Variants in DLG2 observed in about 807,000 individuals in gnomAD.
DLG2 encodes the protein discs large MAGUK scaffold protein 2, also known as disks large homolog 2.
DLG2 carries 45 observed loss-of-function variants against 132.5 expected under a neutral mutation model. That is an observed-to-expected ratio of 0.34 (90% confidence interval 0.27 to 0.44). DLG2 has a LOEUF of 0.44. DLG2 is among the 20% of genes least tolerant of loss of function. The pLI, the probability that DLG2 is intolerant of heterozygous loss-of-function variation, is 1.00. For synonymous variants in DLG2, 424 were observed against 419.6 expected (o/e 1.01, Z -0.13); for missense variants, 1,045 against 1,196.9 (o/e 0.87, Z 1.87).
chr11:84,296,199 T>G (rs892741749), intron 7 of DLG2, among the ~76,000 whole-genome samples: 5 of 150,620 alleles, frequency 3.3e-5, no homozygotes, highest in African/African-American at 9.8e-5. Context: ...AATGTTTGGC[T>G]TTTTTTTTCA....
intron 6 of DLG2, chr11:84,923,572 G>T: frequency 1.0e-6 from 1 of 994,640 alleles, no homozygotes. Context: ...CAATGGGATC[G>T]CATCGCAGAC....
intron 3 of DLG2, among the ~76,000 whole-genome samples, chr11:85,334,821 T>A (rs576123508): frequency 6.6e-6 from 1 of 152,292 alleles, no homozygotes; most frequent in South Asian, 2.1e-4. Context: ...TATTAAATTG[T>A]AGAGAACTGC....
chr11:84,031,366 T>C (rs2154091387), intron 11 of DLG2, among the ~76,000 whole-genome samples: 1 of 152,246 alleles, frequency 6.6e-6, no homozygotes, highest in South Asian at 2.1e-4. Flanking sequence ...TTAAGTCAAA[T>C]AAGGGTTCAT....
chr11:85,342,624 TATTATC>T lies in DLG2; in HGVS notation c.41-57265_41-57260del, dbSNP rs544822027. Among the ~76,000 whole-genome samples the T allele has an allele frequency of 7.0e-4, 106 of 152,380 alleles. 1 individual carries two copies. The highest frequency in any genetic ancestry group is 2.9e-3 in the Admixed American group (45 of 15,310). ...CACATAAACCAGTAACACAGTCATT[TATTATC>T]ATTATCAAGTATTACGTGCTGTGCA... On this transcript the variant is annotated intron_variant, in intron 3 of 27. Transcript: ENST00000376104.
intron 2 of DLG2, among the ~76,000 whole-genome samples, chr11:85,599,339 CCTCTCTCTTTCT>C (rs1364859760): frequency 6.6e-6 from 1 of 150,664 alleles, no homozygotes; most frequent in Non-Finnish European, 1.5e-5. Flanking sequence ...CTCTCCCCCA[CCTCTCTCTTTCT>C]CTCTCTCTCT....
chr11:83,524,798 A>C (rs917884234), intron 21 of DLG2, among the ~76,000 whole-genome samples: 4 of 151,676 alleles, frequency 2.6e-5, no homozygotes, highest in African/African-American at 9.7e-5. Flanking sequence ...TGCCAACAAC[A>C]CTCTTTTCAT....
chr11:84,516,231 A>T (rs1484867947), intron 7 of DLG2, among the ~76,000 whole-genome samples: 1 of 151,600 alleles, frequency 6.6e-6, no homozygotes, highest in Non-Finnish European at 1.5e-5. Context: ...GAAAGATTAG[A>T]GTAGAAATAA....
chr11:84,055,197 C>G (rs754327054), intron 11 of DLG2, among the ~76,000 whole-genome samples: 2 of 151,880 alleles, frequency 1.3e-5, no homozygotes, highest in Non-Finnish European at 2.9e-5. Context: ...AAATGGCACC[C>G]CAACTAAAAA....
At chr11:84,803,144 A>G (rs901408476) in intron 6 of DLG2, among the ~76,000 whole-genome samples, 3 of 152,204 alleles carry the variant, frequency 2.0e-5, no homozygotes, top group Admixed American at 2.0e-4. Flanking sequence ...CTCTTGTCCA[A>G]CAAAATTGTA....
chr11:85,512,417 A>G (rs1009164908), intron 3 of DLG2, among the ~76,000 whole-genome samples: 1 of 152,156 alleles, frequency 6.6e-6, no homozygotes, highest in Non-Finnish European at 1.5e-5. Context: ...TTTAAAAACT[A>G]ATATTTGACT....
intron 11 of DLG2, among the ~76,000 whole-genome samples, chr11:83,997,730 C>CAAAAAA (rs71066079): frequency 3.2e-4 from 8 of 24,798 alleles, no homozygotes; most frequent in African/African-American, 4.5e-4. Flanking sequence ...GACTCCATCT[C>CAAAAAA]AAAAAAAAAA....
At chr11:83,581,723 A>G (rs1156642695) in intron 19 of DLG2, among the ~76,000 whole-genome samples, 1 of 152,198 alleles carries the variant, frequency 6.6e-6, no homozygotes, top group East Asian at 1.9e-4. Flanking sequence ...GTGTGCCTCA[A>G]TGTAAAGAGT....
chr11:84,690,444 C>A (rs2057896715), intron 6 of DLG2, among the ~76,000 whole-genome samples: 1 of 151,060 alleles, frequency 6.6e-6, no homozygotes, highest in African/African-American at 2.4e-5. Flanking sequence ...TTTAAAAATA[C>A]TTAGATTGGA....
chr11:84,722,612 A>G lies in DLG2; in HGVS notation c.358-187881T>C, dbSNP rs372912237. On this transcript the variant is annotated intron_variant, in intron 6 of 27. Transcript: ENST00000376104. ...ACCCTACATTTTCATCCCATAGGCC[A>G]GTAGAATGTCAATAAATCTACATTT... Among the ~76,000 whole-genome samples, 14 of 152,204 alleles carry G rather than the reference A, an allele frequency of 9.2e-5. No homozygotes were observed. In the East Asian group the frequency reaches 2.7e-3, roughly 29 times the overall value.
intron 4 of DLG2, among the ~76,000 whole-genome samples, chr11:85,202,259 T>C (rs1170214164): frequency 7.6e-5 from 1 of 13,128 alleles, no homozygotes; most frequent in Non-Finnish European, 1.4e-4. Flanking sequence ...TTAAGACATA[T>C]TCTAATCAAA....
At chr11:84,798,578 T>G (rs1170035653) in intron 6 of DLG2, among the ~76,000 whole-genome samples, 1 of 152,082 alleles carries the variant, frequency 6.6e-6, no homozygotes, top group African/African-American at 2.4e-5. Flanking sequence ...GACAGAAGGC[T>G]CTCCTCTGGC....
intron 6 of DLG2, among the ~76,000 whole-genome samples, chr11:84,615,836 A>C (rs1477684333): frequency 4.7e-5 from 7 of 147,684 alleles, no homozygotes; most frequent in Non-Finnish European, 4.5e-5. Flanking sequence ...AAAAAAAAAA[A>C]AAAACTTCAT....
At chr11:85,183,121 T>G (rs1258452154) in intron 4 of DLG2, among the ~76,000 whole-genome samples, 1 of 151,784 alleles carries the variant, frequency 6.6e-6, no homozygotes, top group Non-Finnish European at 1.5e-5. Context: ...ATATTAGCAT[T>G]CTTATATTTA....
At chr11:85,396,927 A>C (rs948527235) in intron 3 of DLG2, among the ~76,000 whole-genome samples, 5 of 152,196 alleles carry the variant, frequency 3.3e-5, no homozygotes, top group Admixed American at 2.6e-4. Flanking sequence ...AATAAGGAGA[A>C]CACCACAAAG....
Sources: gnomAD v4.1 joint callset for allele counts (sites outside exome capture counted in the v4.1 genomes callset) on GRCh38, gnomAD v4.1.1 for gene constraint, MANE v1.5 for transcripts, NCBI Gene and HGNC (gene_info 2026-07-23, HGNC 2026-07-21) for gene names.